Variants in RPGRIP1L observed in about 807,000 individuals in gnomAD.
RPGRIP1L encodes protein fantom.
A neutral mutation model predicts 160.4 loss-of-function variants in RPGRIP1L; 131 were observed. That is an observed-to-expected ratio of 0.82 (90% CI 0.71 to 0.94). The LOEUF (loss-of-function observed/expected upper bound fraction) is 0.94, where lower values mean the gene tolerates loss of function less well. Among genes scored for constraint, RPGRIP1L ranks in the 40% least tolerant of loss-of-function variants. The pLI is 0.00. For missense variants in RPGRIP1L, 1,522 were observed against 1,535.8 expected (o/e 0.99, Z 0.15); for synonymous variants, 510 against 515.8 (o/e 0.99, Z 0.15).
At position 53,657,586 on chromosome 16, in the gene RPGRIP1L, A is replaced by G. The variant is rs146565951; in HGVS notation, c.1448T>C (p.Val483Ala). Residue 483 changes from valine (V) to alanine (A), a missense_variant, in exon 13 of 27, where the codon GTA becomes GCA. Val to Ala is a moderately conservative substitution (Grantham distance 64, BLOSUM62 0). Coordinates refer to ENST00000647211, the MANE Select transcript of RPGRIP1L (RefSeq NM_015272.5). ...KNGDLSFLVK[V>A]DSEINKDLER... ...TAGATCTTTATTAATTTCACTATCT[A>G]CTTTCACTAAAAAGGAAAGGTCTCC... 1.7e-5 allele frequency: 27 copies of G among 1,600,180 alleles called. No individual in the cohort carries two copies. The highest frequency in any genetic ancestry group is 2.0e-5 in the Non-Finnish European group (23 of 1,170,640).
rs1966882833 is a variant in RPGRIP1L, at chr16:53,652,708, T to C, written c.1979A>G (p.Gln660Arg). 1 of 1,614,016 alleles carries C rather than the reference T, an allele frequency of 6.2e-7. No individual in the cohort carries two copies. Among genetic ancestry groups the C allele is most frequent in the African/African-American group, 1.3e-5 (1 of 74,928 alleles). ...TAAGTCATTAACATGAACAAGATATTGAGAAGTGAAGTTATATTCGGGATG... is the reference window on the plus strand; with the variant it reads ...TAAGTCATTAACATGAACAAGATATCGAGAAGTGAAGTTATATTCGGGATG... ...GLHPEYNFTS[Q>R]YLVHVNDLFL... The change falls in exon 15 of 27, where the codon CAA (glutamine) becomes CGA (arginine). Residue 660 changes from glutamine to arginine, a missense_variant. By Grantham distance (43) the Gln-to-Arg change is conservative. Transcript: ENST00000647211.
chr16:53,637,102 T>A (rs1965890054), intron 21 of RPGRIP1L, among the ~76,000 whole-genome samples: 1 of 152,068 alleles, frequency 6.6e-6, no homozygotes, highest in African/African-American at 2.4e-5. Flanking sequence ...GCTCAAGTAA[T>A]CTTCCCTTCT....
chr16:53,645,157 G>A (rs566388173), intron 17 of RPGRIP1L, among the ~76,000 whole-genome samples: 22 of 152,118 alleles, frequency 1.4e-4, no homozygotes, highest in African/African-American at 3.4e-4. Flanking sequence ...AAATATGTAC[G>A]TAAATATCAA....
Position 53,696,221 on chromosome 16 carries a change from A to T in RPGRIP1L, c.160T>A (p.Phe54Ile). ...ATGTTCTCATCATGCAAACGCAAAA[A>T]TCTGTCTTCCAGTTCCTCACGACTG... ...RVSREELEDR[F>I]LRLHDENILL... Residue 54 changes from phenylalanine to isoleucine, a missense_variant, in exon 3 of 27, where the codon TTT (phenylalanine) becomes ATT (isoleucine). Coordinates refer to ENST00000647211, the MANE Select transcript of RPGRIP1L (RefSeq NM_015272.5). The T allele has an allele frequency of 6.2e-7, 1 of 1,614,074 alleles. No homozygotes were observed. The highest frequency in any genetic ancestry group is 8.5e-7 in the Non-Finnish European group (1 of 1,179,986).
Position 53,600,483 on chromosome 16 carries a change from T to C in RPGRIP1L, c.*1593A>G, listed in dbSNP as rs1460818451. ...CAGGCCCCAGGACAGGGAGGCCCAG[T>C]GGTATAGACAGAATTTATAGATTTC... On this transcript the variant is annotated 3_prime_UTR_variant, in exon 27 of 27. Coordinates refer to ENST00000647211, the MANE Select transcript of RPGRIP1L (RefSeq NM_015272.5). The C allele has an allele frequency of 6.6e-6, 1 of 152,558 alleles. No individual in the cohort carries two copies. Among genetic ancestry groups the C allele is most frequent in the East Asian group, 1.9e-4 (1 of 5,188 alleles). 9.5% of individuals were successfully genotyped at this position (152,558 alleles called of 1,614,324 possible).
At chr16:53,646,063 TG>T (rs1966527577) in intron 16 of RPGRIP1L, 60 bp from the exon 17 acceptor site, 1 of 1,475,056 alleles carries the variant, frequency 6.8e-7, no homozygotes, top group South Asian at 1.2e-5. Flanking sequence ...GAACAGCAGC[TG>T]CCAAGCCCCA....
intron 2 of RPGRIP1L, among the ~76,000 whole-genome samples, chr16:53,698,275 G>A (rs933630044): frequency 1.3e-5 from 2 of 151,348 alleles, no homozygotes; most frequent in African/African-American, 2.4e-5. Context: ...GGAGGTGGGG[G>A]GTCAGCCCCC....
At chr16:53,629,832 T>C (rs1965410993) in intron 22 of RPGRIP1L, among the ~76,000 whole-genome samples, 1 of 152,126 alleles carries the variant, frequency 6.6e-6, no homozygotes, top group Non-Finnish European at 1.5e-5. Context: ...CAGCAATAGA[T>C]AATATGTAAA....
intron 9 of RPGRIP1L, among the ~76,000 whole-genome samples, chr16:53,665,877 C>T (rs769613762): frequency 1.1e-4 from 16 of 152,226 alleles, no homozygotes; most frequent in Non-Finnish European, 1.9e-4. Context: ...AAATGAAGAT[C>T]CCAGGGCCCA....
chr16:53,618,887 T>C (rs1297301317), intron 24 of RPGRIP1L, 138 bp downstream of exon 24: 1 of 799,662 alleles, frequency 1.3e-6, no homozygotes, highest in Non-Finnish European at 2.0e-6. Context: ...GGTTTGACTT[T>C]TATTAATCAA....
intron 24 of RPGRIP1L, among the ~76,000 whole-genome samples, chr16:53,618,666 C>T (rs1964524637): frequency 6.6e-6 from 1 of 152,190 alleles, no homozygotes; most frequent in East Asian, 1.9e-4. Flanking sequence ...GCCTCAGCCT[C>T]CTGAGTAGCT....
intron 24 of RPGRIP1L, among the ~76,000 whole-genome samples, chr16:53,618,335 T>C (rs1467316160): frequency 6.6e-6 from 1 of 152,182 alleles, no homozygotes; most frequent in East Asian, 1.9e-4. Context: ...ATCAGAAAGG[T>C]AGACAATAAA....
chr16:53,697,596 G>A (rs1046617730), intron 2 of RPGRIP1L, among the ~76,000 whole-genome samples: 12 of 152,218 alleles, frequency 7.9e-5, no homozygotes, highest in African/African-American at 2.4e-5. Context: ...GCTCCTGACC[G>A]CGAGTGATCC....
At chr16:53,625,569 G>T (rs1333243403) in intron 22 of RPGRIP1L, among the ~76,000 whole-genome samples, 2 of 148,196 alleles carry the variant, frequency 1.3e-5, no homozygotes, top group African/African-American at 5.0e-5. Context: ...GGGGTGGGGG[G>T]GCCCCTCTGC....
rs1964289623 is a variant in RPGRIP1L at position 53,615,230 on chromosome 16, TC to T, written c.3616+3794del. On this transcript the variant is annotated intron_variant, in intron 24 of 26. Transcript: ENST00000647211. ...TAAAAACTTTGGATGATTTCATTAA[TC>T]TTTTTCCTTCCACTGTCAATTCCAC... is the stretch of plus-strand genomic sequence containing the variant. Among the ~76,000 whole-genome samples the T allele has an allele frequency of 1.3e-5, 2 of 152,122 alleles. 1 individual carries two copies. The highest frequency in any genetic ancestry group is 4.1e-4 in the South Asian group (2 of 4,832).
intron 24 of RPGRIP1L, 62 bp from the exon 25 acceptor site, chr16:53,611,113 C>A: frequency 9.0e-7 from 1 of 1,113,818 alleles, no homozygotes; most frequent in Non-Finnish European, 1.4e-6. Flanking sequence ...TACATTAGTA[C>A]CATTCTGTAT....
chr16:53,614,639 G>T (rs1964244905), intron 24 of RPGRIP1L, among the ~76,000 whole-genome samples: 1 of 151,996 alleles, frequency 6.6e-6, no homozygotes, highest in Non-Finnish European at 1.5e-5. Context: ...ACTAACCATG[G>T]TTCATTTAGT....
Position 53,601,962 on chromosome 16 carries a change from C to T in RPGRIP1L, c.*114G>A. The T allele has an allele frequency of 1.4e-6, 1 of 724,456 alleles. No homozygotes were observed. The highest frequency in any genetic ancestry group is 1.5e-5 in the South Asian group (1 of 66,964). 44.9% of individuals were successfully genotyped at this position (724,456 alleles called of 1,614,324 possible). A position where few individuals can be genotyped will look rare whatever the true frequency, so the allele number is the denominator to read the frequency against. On this transcript the variant is annotated 3_prime_UTR_variant, in exon 27 of 27. Coordinates refer to ENST00000647211, the MANE Select transcript of RPGRIP1L (RefSeq NM_015272.5). The stretch of plus-strand genomic sequence containing the variant: ...CTTCAAACCCAGGTCTCCCCGCTCC[C>T]AGCTTCCCATGAATTATAGATTATA...
At chr16:53,622,637 A>G (rs140080177) in intron 22 of RPGRIP1L, among the ~76,000 whole-genome samples, 1 of 151,904 alleles carries the variant, frequency 6.6e-6, no homozygotes, top group East Asian at 1.9e-4. Flanking sequence ...TATCGCCACA[A>G]TTGGCCAGGT....
Sources: gnomAD v4.1 joint callset for allele counts (sites outside exome capture counted in the v4.1 genomes callset) on GRCh38, gnomAD v4.1.1 for gene constraint, MANE v1.5 for transcripts, NCBI Gene and HGNC (gene_info 2026-07-23, HGNC 2026-07-21) for gene names.